The following GRID1 variants were observed in gnomAD, a reference collection of about 807,000 sequenced individuals.
GRID1 encodes the protein glutamate receptor ionotropic, delta-1.
A neutral mutation model predicts 98.0 loss-of-function variants in GRID1; 28 were observed. The observed-to-expected ratio is 0.29, with a 90% CI of 0.21 to 0.39. The LOEUF is 0.39. Ranked by LOEUF, GRID1 falls within the 10% of genes least tolerant of loss-of-function variation. The pLI, the probability that GRID1 is intolerant of heterozygous loss-of-function variation, is 1.00. For synonymous variants in GRID1, 553 were observed against 538.5 expected (o/e 1.03, Z -0.37); for missense variants, 1,111 against 1,340.5 (o/e 0.83, Z 2.67).
intron 12 of GRID1, among the ~76,000 whole-genome samples, chr10:85,715,617 A>G (rs1841629667): frequency 6.6e-6 from 1 of 152,210 alleles, no homozygotes. Flanking sequence ...AATATTCAAC[A>G]TAACTAATCA....
chr10:86,086,530 G>C (rs1474736568), intron 4 of GRID1, among the ~76,000 whole-genome samples: 2 of 152,186 alleles, frequency 1.3e-5, no homozygotes, highest in African/African-American at 4.8e-5. Flanking sequence ...ACAGGGCTGG[G>C]ACTCAAAGCC....
At chr10:85,633,747 G>A (rs921567374) in intron 13 of GRID1, among the ~76,000 whole-genome samples, 2 of 152,182 alleles carry the variant, frequency 1.3e-5, no homozygotes, top group Non-Finnish European at 2.9e-5. Flanking sequence ...GGAGCACTTT[G>A]AGGAGCTACA....
At chr10:85,652,524 G>A (rs1469530803) in intron 12 of GRID1, among the ~76,000 whole-genome samples, 2 of 152,128 alleles carry the variant, frequency 1.3e-5, no homozygotes, top group African/African-American at 4.8e-5. Flanking sequence ...GACACGGGAG[G>A]GTGGGGATAT....
At chr10:86,245,781 C>G (rs1032729838) in intron 2 of GRID1, among the ~76,000 whole-genome samples, 2 of 152,224 alleles carry the variant, frequency 1.3e-5, no homozygotes, top group African/African-American at 4.8e-5. Flanking sequence ...AGGAAGCCCC[C>G]GCTTCCCACC....
rs1842838572 is a variant in GRID1 at position 85,619,875 on chromosome 10, G to A, written c.2352C>T (p.Phe784=). Residue 784 remains phenylalanine, a synonymous_variant, in exon 14 of 16, where the codon TTC becomes TTT. Coordinates refer to ENST00000327946, the MANE Select transcript of GRID1 (RefSeq NM_017551.3). Reference sequence around the variant, plus strand: ...TTGCTGCCCAAGCCTACCTCTGGGAGAAGAGGTCCCTGTAGGGGCTGCCAT... The same window carrying A: ...TTGCTGCCCAAGCCTACCTCTGGGAAAAGAGGTCCCTGTAGGGGCTGCCAT... ...LQHGSPYRDL[F]SQRILELQDT... is the part of the protein sequence containing the mutation. 1 of 1,613,454 alleles carries A rather than the reference G, an allele frequency of 6.2e-7. No individual in the cohort carries two copies. Among genetic ancestry groups the A allele is most frequent in the African/African-American group, 1.3e-5 (1 of 74,932 alleles).
intron 4 of GRID1, among the ~76,000 whole-genome samples, chr10:85,966,805 C>T (rs569059608): frequency 6.7e-5 from 10 of 149,316 alleles, no homozygotes; most frequent in African/African-American, 2.4e-4. Flanking sequence ...CAGAGTGAGA[C>T]TCCACCTCAA....
At chr10:85,912,528 C>A (rs1015488486) in intron 5 of GRID1, among the ~76,000 whole-genome samples, 1 of 151,982 alleles carries the variant, frequency 6.6e-6, no homozygotes, top group African/African-American at 2.4e-5. Context: ...CAGGAAAATG[C>A]ATAAAACAAA....
intron 12 of GRID1, among the ~76,000 whole-genome samples, chr10:85,706,764 A>T (rs1456041833): frequency 6.6e-6 from 1 of 152,194 alleles, no homozygotes; most frequent in East Asian, 1.9e-4. Context: ...CAAAACAGAG[A>T]TATAGATCAA....
At chr10:85,775,445 G>A (rs998858705) in intron 8 of GRID1, among the ~76,000 whole-genome samples, 1 of 151,926 alleles carries the variant, frequency 6.6e-6, no homozygotes, top group African/African-American at 2.4e-5. Flanking sequence ...CCTGCACATT[G>A]TGCACATGTA....
intron 5 of GRID1, among the ~76,000 whole-genome samples, chr10:85,878,994 T>C (rs899925299): frequency 6.6e-6 from 1 of 151,420 alleles, no homozygotes; most frequent in East Asian, 1.9e-4. Context: ...AAACAGACTT[T>C]AAACCAACAA....
chr10:85,788,448 G>T (rs552174097), intron 8 of GRID1, among the ~76,000 whole-genome samples: 4 of 152,202 alleles, frequency 2.6e-5, no homozygotes, highest in Admixed American at 1.3e-4. Context: ...AAGCAGGGAT[G>T]AGTCTGTCTG....
At chr10:85,809,751 G>T (rs1842653889) in intron 8 of GRID1, among the ~76,000 whole-genome samples, 3 of 152,140 alleles carry the variant, frequency 2.0e-5, no homozygotes, top group African/African-American at 4.8e-5. Flanking sequence ...TAGCAGAGAG[G>T]GGAGCAAGGC....
chr10:86,262,269 T>C (rs1847027874), intron 2 of GRID1, among the ~76,000 whole-genome samples: 1 of 152,200 alleles, frequency 6.6e-6, no homozygotes, highest in South Asian at 2.1e-4. Flanking sequence ...CTGGAGGCAA[T>C]GGCTGTCTTT....
chr10:86,292,780 G>A (rs552169388), intron 2 of GRID1, among the ~76,000 whole-genome samples: 1 of 152,168 alleles, frequency 6.6e-6, no homozygotes, highest in South Asian at 2.1e-4. Flanking sequence ...GTGTCTGTGG[G>A]TGTGTGTATG....
At chr10:86,203,634 C>G (rs1289447182) in intron 3 of GRID1, among the ~76,000 whole-genome samples, 2 of 151,484 alleles carry the variant, frequency 1.3e-5, no homozygotes, top group East Asian at 3.9e-4. Context: ...AGGTCCTGCA[C>G]AGAATCCAAT....
intron 2 of GRID1, among the ~76,000 whole-genome samples, chr10:86,278,731 A>G (rs1185090248): frequency 6.6e-6 from 1 of 152,210 alleles, no homozygotes; most frequent in African/African-American, 2.4e-5. Flanking sequence ...GAAGAAACAG[A>G]TAACCTGACT....
intron 2 of GRID1, among the ~76,000 whole-genome samples, chr10:86,302,917 G>T (rs1191261319): frequency 6.6e-6 from 1 of 152,202 alleles, no homozygotes; most frequent in Non-Finnish European, 1.5e-5. Flanking sequence ...AGATCTCCAG[G>T]TGATCTGTGT....
intron 2 of GRID1, among the ~76,000 whole-genome samples, chr10:86,308,421 A>G (rs1287798840): frequency 6.6e-6 from 1 of 152,198 alleles, no homozygotes; most frequent in Non-Finnish European, 1.5e-5. Flanking sequence ...CAGATTGGAG[A>G]GGCAAGGAAG....
intron 4 of GRID1, among the ~76,000 whole-genome samples, chr10:85,952,603 G>A (rs1326339969): frequency 6.6e-6 from 1 of 151,822 alleles, no homozygotes; most frequent in African/African-American, 2.4e-5. Flanking sequence ...TCAAGGCTTG[G>A]CTCACTCCCC....
Sources: gnomAD v4.1 joint callset for allele counts (sites outside exome capture counted in the v4.1 genomes callset) on GRCh38, gnomAD v4.1.1 for gene constraint, MANE v1.5 for transcripts, NCBI Gene and HGNC (gene_info 2026-07-23, HGNC 2026-07-21) for gene names.